The following TTC21A variants were observed in gnomAD, a reference collection of about 807,000 sequenced individuals.
TTC21A encodes the protein tetratricopeptide repeat domain 21A, also known as tetratricopeptide repeat protein 21A.
A neutral mutation model predicts 156.4 loss-of-function variants in TTC21A; 128 were observed. The observed-to-expected ratio is 0.82, with a 90% CI of 0.71 to 0.95. The LOEUF (loss-of-function observed/expected upper bound fraction) is 0.95, where lower values mean the gene tolerates loss of function less well. TTC21A is among the 40% of genes least tolerant of loss of function. The pLI is 0.00. For missense variants in TTC21A, 1,435 were observed against 1,602.3 expected, an observed-to-expected ratio of 0.90 and a Z score of 1.78; for synonymous variants, 587 against 617.1, an observed-to-expected ratio of 0.95 and a Z score of 0.72.
intron 24 of TTC21A, 47 bp downstream of exon 24, chr3:39,137,107 A>C: frequency 6.2e-7 from 1 of 1,600,182 alleles, no homozygotes; most frequent in Non-Finnish European, 8.5e-7. Context: ...AAGTTACAGA[A>C]AGCCTGCAAC....
chr3:39,127,445 C>A (rs376436812), intron 12 of TTC21A, among the ~76,000 whole-genome samples: 1 of 152,208 alleles, frequency 6.6e-6, no homozygotes, highest in African/African-American at 2.4e-5. Flanking sequence ...GAGAGAACTT[C>A]CCCTGGGTGC....
rs541907710 is a variant in TTC21A at position 39,118,654 on chromosome 3, A to G, written c.801+501A>G. On this transcript the variant is annotated intron_variant, in intron 7 of 28. Coordinates refer to ENST00000683103, the MANE Select transcript of TTC21A (RefSeq NM_001366900.1). ...GGCCAGGTAATACTGGGCCCCAAAC[A>G]TGCTCGTAAGTCTTGTAGTTTTCCA... The G allele has an allele frequency of 1.9e-5, 3 of 155,672 alleles. 1 individual carries two copies. Among genetic ancestry groups the G allele is most frequent in the South Asian group, 4.0e-4 (2 of 5,040 alleles). 9.6% of individuals were successfully genotyped at this position (155,672 alleles called of 1,614,324 possible).
chr3:39,107,732 A>G lies in TTC21A; in HGVS notation c.-106A>G. On this transcript the variant is annotated 5_prime_UTR_variant, in exon 1 of 29. Transcript: ENST00000683103. ...TAGCAGCTCGGTTTCCAAGGACTGTAACGCCTTCAACCGCCCGCCGCGATA... is the reference window on the plus strand; with the variant it reads ...TAGCAGCTCGGTTTCCAAGGACTGTGACGCCTTCAACCGCCCGCCGCGATA... The G allele has an allele frequency of 1.3e-6, 2 of 1,523,316 alleles. No individual in the cohort carries two copies. The highest frequency in any genetic ancestry group is 1.8e-6 in the Non-Finnish European group (2 of 1,107,262). The allele number at this position is 1,523,316 out of a possible 1,614,324, so 94.4% of individuals were successfully genotyped here. A position where few individuals can be genotyped will look rare whatever the true frequency, so the allele number is the denominator to read the frequency against.
chr3:39,112,460 CTA>C lies in TTC21A; in HGVS notation c.440_441del (p.Tyr147CysfsTer21). On this transcript the variant is annotated frameshift_variant, in exon 5 of 29. Coordinates refer to ENST00000683103, the MANE Select transcript of TTC21A (RefSeq NM_001366900.1). LOFTEE classifies it high-confidence loss of function. ...CTTTCATCTTGTTCTCATCCCAGGC[CTA>C]TGTGCTCAGAGGCTGGGTGGACCTG... is the stretch of plus-strand genomic sequence containing the variant. ...LKISRGFREA[Y>X]VLRGWVDLTS... The C allele has an allele frequency of 6.2e-7, 1 of 1,614,146 alleles. No homozygotes were observed. Among genetic ancestry groups the C allele is most frequent in the Non-Finnish European group, 8.5e-7 (1 of 1,180,016 alleles).
At chr3:39,136,806 C>T in intron 23 of TTC21A, 93 bp from the exon 24 acceptor site, 1 of 1,468,526 alleles carries the variant, frequency 6.8e-7, no homozygotes, top group South Asian at 1.3e-5. Context: ...CCAGCCTCTG[C>T]TTTGTGCAGA....
In TTC21A at chr3:39,137,319, C is replaced by G. The variant is rs2039202889; in HGVS notation, c.3382C>G (p.Leu1128Val). ...GCGGCTGCTGCAGGGCCTCTGCCGG[C>G]TGGCCACCAGGGAGAAGGCTAACAT... ...QLRLLQGLCR[L>V]ATREKANMEA... Residue 1128 changes from leucine to valine, a missense_variant, in exon 25 of 29, where the codon CTG becomes GTG. By Grantham distance (32) the Leu-to-Val change is conservative. Coordinates refer to ENST00000683103, the MANE Select transcript of TTC21A (RefSeq NM_001366900.1). 6.2e-7 allele frequency: 1 copy of G among 1,613,908 alleles called. No homozygotes were observed. The highest frequency in any genetic ancestry group is 8.5e-7 in the Non-Finnish European group (1 of 1,179,994).
chr3:39,132,969 C>T, intron 19 of TTC21A, 83 bp from the exon 20 acceptor site: 1 of 1,492,672 alleles, frequency 6.7e-7, no homozygotes, highest in Non-Finnish European at 9.2e-7. Context: ...ATACTTCTGG[C>T]TTTGAATTAA....
At chr3:39,107,955 T>G (rs1412665792) in intron 1 of TTC21A, 91 bp downstream of exon 1, 9 of 1,504,772 alleles carry the variant, frequency 6.0e-6, no homozygotes, top group Admixed American at 1.7e-5. Context: ...CTGCCACCCT[T>G]CGCTGTCCTC....
chr3:39,135,026 G>T, intron 21 of TTC21A, 67 bp from the exon 22 acceptor site: 3 of 547,396 alleles, frequency 5.5e-6, no homozygotes, highest in South Asian at 4.9e-5. Flanking sequence ...CATACCCCCC[G>T]CCTCCCCCTA....
rs144464808 is a variant in TTC21A at position 39,113,421 on chromosome 3, C to G, written c.558+841C>G. Reference sequence around the variant, plus strand: ...AGGCCACAGCCTACTCTTTGGGGAACTCTGGAGCCGGGATGCCCCTTCAGT... The same window carrying G: ...AGGCCACAGCCTACTCTTTGGGGAAGTCTGGAGCCGGGATGCCCCTTCAGT... On this transcript the variant is annotated intron_variant, in intron 5 of 28. Transcript: ENST00000683103. Among the ~76,000 whole-genome samples the G allele has an allele frequency of 1.2e-4, 18 of 152,332 alleles. 1 individual carries two copies. In the East Asian group the frequency reaches 3.5e-3, roughly 29 times the overall value.
chr3:39,112,564 T>C lies in TTC21A; in HGVS notation c.542T>C (p.Leu181Pro). ...GGAATTCAGGACACCAAAGATGTGCTGGGGCTGATGGGAAAGGTGGGCAGT... is the reference window on the plus strand; with the variant it reads ...GGAATTCAGGACACCAAAGATGTGCCGGGGCTGATGGGAAAGGTGGGCAGT... ...EQGIQDTKDV[L>P]GLMGKAMYFM... Residue 181 changes from leucine (L) to proline (P), a missense_variant, in exon 5 of 29, where the codon CTG becomes CCG. Coordinates refer to ENST00000683103, the MANE Select transcript of TTC21A (RefSeq NM_001366900.1). 1 of 1,614,056 alleles carries C rather than the reference T, an allele frequency of 6.2e-7. No homozygotes were observed. The highest frequency in any genetic ancestry group is 8.5e-7 in the Non-Finnish European group (1 of 1,180,010).
rs1415690310 is a variant in TTC21A at position 39,137,327 on chromosome 3, C to G, written c.3390C>G (p.Thr1130=). 6.2e-7 allele frequency: 1 copy of G among 1,613,884 alleles called. No homozygotes were observed. Among genetic ancestry groups the G allele is most frequent in the Non-Finnish European group, 8.5e-7 (1 of 1,179,972 alleles). Residue 1130 remains threonine, a synonymous_variant, in exon 25 of 29, where the codon ACC becomes ACG. Coordinates refer to ENST00000683103, the MANE Select transcript of TTC21A (RefSeq NM_001366900.1). ...TGCAGGGCCTCTGCCGGCTGGCCAC[C>G]AGGGAGAAGGCTAACATGGAGGCTG... The part of the protein sequence containing the change: ...RLLQGLCRLA[T]REKANMEAAL...
chr3:39,134,492 C>T lies in TTC21A; in HGVS notation c.2862+164C>T, dbSNP rs1426344286. Reference sequence around the variant, plus strand: ...GGACTCAGTGCTGCACCTACTCTGCCCTTTAGCCGGAAGCGGTAGGCTGGC... The same window carrying T: ...GGACTCAGTGCTGCACCTACTCTGCTCTTTAGCCGGAAGCGGTAGGCTGGC... On this transcript the variant is annotated intron_variant, in intron 21 of 28. Coordinates refer to ENST00000683103, the MANE Select transcript of TTC21A (RefSeq NM_001366900.1). This position sits in a 1 kb window ranked among gnomAD's most constrained non-coding sequence, Gnocchi z 4.6. 1.4e-6 allele frequency: 1 copy of T among 695,588 alleles called. No individual in the cohort carries two copies. The highest frequency in any genetic ancestry group is 1.5e-5 in the South Asian group (1 of 67,302). The allele number at this position is 695,588 out of a possible 1,614,324, so 43.1% of individuals were successfully genotyped here. A position where few individuals can be genotyped will look rare whatever the true frequency, so the allele number is the denominator to read the frequency against.
intron 3 of TTC21A, chr3:39,110,493 GA>G (rs1559665915): frequency 1.0e-5 from 5 of 501,872 alleles, no homozygotes; most frequent in Non-Finnish European, 1.8e-5. Flanking sequence ...TAGAGTCAGG[GA>G]GAGGGTCCAA....
At chr3:39,124,077 G>A (rs1056949996) in intron 9 of TTC21A, among the ~76,000 whole-genome samples, 4 of 152,130 alleles carry the variant, frequency 2.6e-5, no homozygotes, top group Non-Finnish European at 5.9e-5. Context: ...GTATCTTTGA[G>A]GGCAAGTTGA....
At chr3:39,120,865 A>G (rs2037710190) in intron 8 of TTC21A, 132 bp from the exon 9 acceptor site, 1 of 737,254 alleles carries the variant, frequency 1.4e-6, no homozygotes, top group Non-Finnish European at 2.2e-6. Flanking sequence ...AGCTGCCTAG[A>G]CACACGGTAC....
intron 4 of TTC21A, among the ~76,000 whole-genome samples, chr3:39,112,073 GC>G (rs1283253595): frequency 6.6e-6 from 1 of 151,430 alleles, no homozygotes; most frequent in Non-Finnish European, 1.5e-5. Flanking sequence ...CCTTGCGTAG[GC>G]CCCCATGTTG....
chr3:39,120,974 TC>T, intron 8 of TTC21A, 22 bp from the exon 9 acceptor site: 2 of 1,576,512 alleles, frequency 1.3e-6, no homozygotes, highest in Non-Finnish European at 8.6e-7. Context: ...GTTTCCCAAT[TC>T]CCACCTTCCT....
At position 39,126,358 on chromosome 3, in the gene TTC21A, T is replaced by C; in HGVS notation, c.1490T>C (p.Leu497Pro). ...VKAAPALIDP[L>P]YLMAQVRYYS... ...GCAGCACCAGCTCTGATCGACCCCCTGTATTTGATGGCTCAGGTCAGGTAT... is the reference window on the plus strand; with the variant it reads ...GCAGCACCAGCTCTGATCGACCCCCCGTATTTGATGGCTCAGGTCAGGTAT... The change falls in exon 12 of 29, where the codon CTG (leucine) becomes CCG (proline). Residue 497 changes from leucine to proline, a missense_variant. Leu to Pro is a moderately conservative substitution (Grantham distance 98). Transcript: ENST00000683103. 1 of 1,614,038 alleles carries C rather than the reference T, an allele frequency of 6.2e-7. No individual in the cohort carries two copies.
Sources: gnomAD v4.1 joint callset for allele counts (sites outside exome capture counted in the v4.1 genomes callset) on GRCh38, gnomAD v4.1.1 for gene constraint, Gnocchi (gnomAD v3.1) non-coding constraint, MANE v1.5 for transcripts, NCBI Gene and HGNC (gene_info 2026-07-23, HGNC 2026-07-21) for gene names.